SCARB2: variants seen among roughly 807,000 people sequenced by gnomAD.
SCARB2 encodes the protein lysosome membrane protein 2.
SCARB2 carries 29 observed loss-of-function variants against 58.6 expected under a neutral mutation model. The observed-to-expected ratio is 0.49, with a 90% CI of 0.37 to 0.67. SCARB2 has a LOEUF of 0.67. Ranked by LOEUF, SCARB2 falls within the 30% of genes least tolerant of loss-of-function variation. SCARB2 has a pLI of 0.00. For synonymous variants in SCARB2, 195 were observed against 210.1 expected, an observed-to-expected ratio of 0.93 and a Z score of 0.62; for missense variants, 488 against 578.5, an observed-to-expected ratio of 0.84 and a Z score of 1.60.
upstream of SCARB2, among the ~76,000 whole-genome samples, chr4:76,216,172 TAA>T (rs1459371770): frequency 6.6e-6 from 1 of 152,192 alleles, no homozygotes; most frequent in Non-Finnish European, 1.5e-5. Context: ...TCTCTGCTGT[TAA>T]GTTTCAGTTA....
chr4:76,205,064 G>A (rs892095736), intron 1 of SCARB2, among the ~76,000 whole-genome samples: 17 of 152,264 alleles, frequency 1.1e-4, no homozygotes, highest in African/African-American at 2.9e-4. Flanking sequence ...AGTGGCTCAC[G>A]CCTGTAATCC....
chr4:76,225,227 T>G (rs1210746820), intron 1 of SCARB2, among the ~76,000 whole-genome samples: 1 of 152,214 alleles, frequency 6.6e-6, no homozygotes, highest in Non-Finnish European at 1.5e-5. Flanking sequence ...TTTCCAGTTG[T>G]GTATTGTGCT....
chr4:76,212,426 G>A lies in SCARB2; in HGVS notation c.117+1001C>T, dbSNP rs148640739. The stretch of plus-strand genomic sequence containing the variant: ...ACTCAGTTAAAGGAAGATATCCATT[G>A]CCACCTGGAATAAAATAGCTTTACT... On this transcript the variant is annotated intron_variant, in intron 1 of 11. Transcript: ENST00000264896. Among the ~76,000 whole-genome samples, 579 of 152,284 alleles carry A rather than the reference G, an allele frequency of 3.8e-3. 9 individuals carry two copies. The highest frequency in any genetic ancestry group is 0.013 in the African/African-American group (544 of 41,546).
chr4:76,208,397 C>A (rs1229235372), intron 1 of SCARB2, among the ~76,000 whole-genome samples: 1 of 152,238 alleles, frequency 6.6e-6, no homozygotes, highest in Non-Finnish European at 1.5e-5. Flanking sequence ...ATTAACGACA[C>A]TGCCTCCGTT....
chr4:76,163,233 T>C lies in SCARB2; in HGVS notation c.1390A>G (p.Met464Val), dbSNP rs138713191. ...CTTCAGCCAGTTCTCACCTCATCCA[T>C]GGATCCCTGTCCTTTGCATGCAAGC... ...TWLACKGQGSMDEGTADERAP... is the reference protein window; with the variant it reads ...TWLACKGQGSVDEGTADERAP... Residue 464 changes from methionine to valine, a missense_variant, in exon 11 of 12, where the codon ATG becomes GTG. Coordinates refer to ENST00000264896, the MANE Select transcript of SCARB2 (RefSeq NM_005506.4). 29 of 1,614,060 alleles carry C rather than the reference T, an allele frequency of 1.8e-5. 1 individual carries two copies. The highest frequency in any genetic ancestry group is 1.1e-5 in the South Asian group (1 of 91,078).
At chr4:76,226,673 C>T (rs144351690) in intron 1 of SCARB2, among the ~76,000 whole-genome samples, 1 of 152,284 alleles carries the variant, frequency 6.6e-6, no homozygotes, top group East Asian at 1.9e-4. Flanking sequence ...CTGCCTCAGC[C>T]CTTCTACCAA....
At chr4:76,164,548 T>C (rs1351061156) in intron 10 of SCARB2, 2 of 152,088 alleles carry the variant, frequency 1.3e-5, no homozygotes, top group Non-Finnish European at 2.9e-5. Flanking sequence ...GGCACGAGAA[T>C]TGCTTGAACC....
chr4:76,230,958 G>A (rs1345388918), intron 1 of SCARB2, among the ~76,000 whole-genome samples: 2 of 152,194 alleles, frequency 1.3e-5, no homozygotes, highest in African/African-American at 4.8e-5. Context: ...AACCTCTGTT[G>A]TTGTCTACCT....
At chr4:76,185,326 T>C (rs1732463440) in intron 2 of SCARB2, among the ~76,000 whole-genome samples, 2 of 152,088 alleles carry the variant, frequency 1.3e-5, no homozygotes, top group African/African-American at 2.4e-5. Flanking sequence ...CTTTCAGAAA[T>C]ACAAAGAAGA....
intron 1 of SCARB2, among the ~76,000 whole-genome samples, chr4:76,209,073 C>A (rs1466667462): frequency 6.6e-6 from 1 of 152,206 alleles, no homozygotes; most frequent in Non-Finnish European, 1.5e-5. Flanking sequence ...TAAGTCACTT[C>A]TATTCCAAGA....
intron 1 of SCARB2, among the ~76,000 whole-genome samples, chr4:76,226,526 A>G (rs2174922): frequency 0.91 from 138,392 of 152,152 alleles, 64,324 homozygotes; most frequent in East Asian, 1. Context: ...TATGCCCTGG[A>G]TTTAGATTGT....
At chr4:76,223,829 C>T (rs1425116131) in intron 1 of SCARB2, among the ~76,000 whole-genome samples, 1 of 151,224 alleles carries the variant, frequency 6.6e-6, no homozygotes, top group Non-Finnish European at 1.5e-5. Context: ...GGAGAGTGTC[C>T]CTGGCCTGCT....
At chr4:76,223,370 C>G (rs914736862) in intron 1 of SCARB2, among the ~76,000 whole-genome samples, 1 of 152,050 alleles carries the variant, frequency 6.6e-6, no homozygotes, top group Non-Finnish European at 1.5e-5. Flanking sequence ...AGTAGCCCAC[C>G]CCTTATTGGG....
intron 7 of SCARB2, among the ~76,000 whole-genome samples, chr4:76,171,493 CA>C (rs546923286): frequency 1.3e-5 from 2 of 152,112 alleles, no homozygotes; most frequent in South Asian, 4.1e-4. Context: ...CTGGAGAATT[CA>C]AAACACTGGA....
At chr4:76,194,883 G>T (rs1732679348) in intron 2 of SCARB2, 1 of 152,098 alleles carries the variant, frequency 6.6e-6, no homozygotes, top group Non-Finnish European at 1.5e-5. Context: ...CCAGTGTTTG[G>T]AATTGGTGGT....
chr4:76,163,399 A>T lies in SCARB2; in HGVS notation c.1240-16T>A. The T allele has an allele frequency of 1.2e-6, 2 of 1,613,960 alleles. No homozygotes were observed. The highest frequency in any genetic ancestry group is 1.1e-5 in the South Asian group (1 of 91,068). Reference sequence around the variant, plus strand: ...TGTGAACACTCTGGAGAGGCAAGAAAATAGTATTCTTGATGACTAAACATC... The same window carrying T: ...TGTGAACACTCTGGAGAGGCAAGAATATAGTATTCTTGATGACTAAACATC... On this transcript the variant is annotated splice_polypyrimidine_tract_variant and intron_variant, in intron 10 of 11. Transcript: ENST00000264896.
At chr4:76,169,821 C>A in intron 8 of SCARB2, 46 bp downstream of exon 8, 1 of 1,426,778 alleles carries the variant, frequency 7.0e-7, no homozygotes, top group Non-Finnish European at 9.9e-7. Flanking sequence ...AATGTATAGA[C>A]AGAATAAAAC....
chr4:76,225,713 A>G (rs1381833797), intron 1 of SCARB2, among the ~76,000 whole-genome samples: 1 of 152,106 alleles, frequency 6.6e-6, no homozygotes, highest in African/African-American at 2.4e-5. Flanking sequence ...AAGTTAAACC[A>G]CCCCTGTATC....
intron 11 of SCARB2, chr4:76,162,268 T>G (rs1731914980): frequency 6.2e-6 from 1 of 160,308 alleles, no homozygotes; most frequent in African/African-American, 2.4e-5. Flanking sequence ...CTAAAGTGAC[T>G]GGCAGGGGAT....
Sources: allele counts gnomAD v4.1 joint callset (sites outside exome capture counted in the v4.1 genomes callset), GRCh38; gene constraint gnomAD v4.1.1; transcripts MANE v1.5; gene names NCBI Gene and HGNC (gene_info 2026-07-23, HGNC 2026-07-21).